Variants in HS3ST3A1 observed in about 807,000 individuals in gnomAD.
HS3ST3A1 encodes the protein heparan sulfate glucosamine 3-O-sulfotransferase 3A1.
In HS3ST3A1, 19 loss-of-function variants were observed where a neutral mutation model predicts 25.7. The observed-to-expected ratio is 0.74, with a 90% CI of 0.52 to 1.08. The LOEUF is 1.08. Ranked by LOEUF, HS3ST3A1 falls within the 50% of genes least tolerant of loss-of-function variation. The pLI is 0.00. For synonymous variants in HS3ST3A1, 226 were observed against 278.6 expected, an observed-to-expected ratio of 0.81 and a Z score of 1.88; for missense variants, 459 against 594.3, an observed-to-expected ratio of 0.77 and a Z score of 2.37.
intron 1 of HS3ST3A1, among the ~76,000 whole-genome samples, chr17:13,585,840 GTTTTTT>G (rs1207776880): frequency 1.6e-5 from 1 of 62,024 alleles, no homozygotes; most frequent in Non-Finnish European, 2.9e-5. Context: ...CTCCTTCTGC[GTTTTTT>G]TTTTTTTTTT....
Position 13,600,277 on chromosome 17 carries a change from G to A in HS3ST3A1, c.599+254C>T, listed in dbSNP as rs187827430. On this transcript the variant is annotated intron_variant, in intron 1 of 1. Coordinates refer to ENST00000284110, the MANE Select transcript of HS3ST3A1 (RefSeq NM_006042.3). ...TTCGCAGAGCAGGAGAAAGAGACCA[G>A]ACTGGCTATTTGCTGGCAAGGGATT... 4.1e-3 allele frequency among the ~76,000 whole-genome samples: 623 copies of A among 152,228 alleles called. 5 individuals are homozygous for A. The highest frequency in any genetic ancestry group is 0.017 in the Middle Eastern group (5 of 294).
chr17:13,532,801 C>A (rs2142333731), intron 1 of HS3ST3A1, among the ~76,000 whole-genome samples: 1 of 151,032 alleles, frequency 6.6e-6, no homozygotes, highest in Non-Finnish European at 1.5e-5. Flanking sequence ...TTTTTATCAT[C>A]TTTGTTGAGT....
At chr17:13,566,595 T>G (rs1907680760) in intron 1 of HS3ST3A1, among the ~76,000 whole-genome samples, 1 of 152,190 alleles carries the variant, frequency 6.6e-6, no homozygotes, top group African/African-American at 2.4e-5. Context: ...TTAGCCAAGT[T>G]GTAAATGCAG....
At chr17:13,499,764 G>A (rs1180637602) in intron 1 of HS3ST3A1, among the ~76,000 whole-genome samples, 2 of 152,116 alleles carry the variant, frequency 1.3e-5, no homozygotes, top group Non-Finnish European at 2.9e-5. Flanking sequence ...TCCAACATAA[G>A]AGGAGTTTGA....
chr17:13,516,985 CA>C (rs144578632), intron 1 of HS3ST3A1, among the ~76,000 whole-genome samples: 2,602 of 152,272 alleles, frequency 0.017, 68 homozygotes, highest in African/African-American at 0.059. Flanking sequence ...TGTGCCCCGC[CA>C]AGGCAGAGGT....
chr17:13,582,753 C>T (rs2142384092), intron 1 of HS3ST3A1, among the ~76,000 whole-genome samples: 1 of 152,244 alleles, frequency 6.6e-6, no homozygotes, highest in South Asian at 2.1e-4. Flanking sequence ...CCTGAGAAAT[C>T]AATCAGTCTA....
intron 1 of HS3ST3A1, among the ~76,000 whole-genome samples, chr17:13,555,189 G>A (rs1011708440): frequency 6.6e-6 from 1 of 152,062 alleles, no homozygotes; most frequent in South Asian, 2.1e-4. Flanking sequence ...CTCCCGCTGG[G>A]TGGGCCTTTT....
intron 1 of HS3ST3A1, among the ~76,000 whole-genome samples, chr17:13,553,724 G>A (rs1035831599): frequency 3.3e-5 from 5 of 152,100 alleles, no homozygotes; most frequent in African/African-American, 1.2e-4. Flanking sequence ...AACTCCTAGA[G>A]TTCTTTCTAG....
chr17:13,497,939 T>G (rs1329670118), intron 1 of HS3ST3A1, among the ~76,000 whole-genome samples: 1 of 152,210 alleles, frequency 6.6e-6, no homozygotes, highest in African/African-American at 2.4e-5. Flanking sequence ...CATGGGAGCT[T>G]GCAGTTATTA....
chr17:13,551,634 G>A (rs3785703), intron 1 of HS3ST3A1, among the ~76,000 whole-genome samples: 65,781 of 144,998 alleles, frequency 0.45, 15,226 homozygotes, highest in Middle Eastern at 0.55. Context: ...AAGGGGGGGG[G>A]GTATTTTTAC....
At chr17:13,584,525 A>C (rs993143826) in intron 1 of HS3ST3A1, among the ~76,000 whole-genome samples, 1 of 148,060 alleles carries the variant, frequency 6.8e-6, no homozygotes, top group African/African-American at 2.6e-5. Context: ...GAAAAAAGGA[A>C]GGAAGGAAAG....
At chr17:13,554,757 G>A (rs570300949) in intron 1 of HS3ST3A1, among the ~76,000 whole-genome samples, 1 of 152,164 alleles carries the variant, frequency 6.6e-6, no homozygotes, top group Non-Finnish European at 1.5e-5. Context: ...TTCAAAACCT[G>A]CAGGGTTGGG....
At chr17:13,517,465 C>T (rs2030364832) in intron 1 of HS3ST3A1, among the ~76,000 whole-genome samples, 2 of 152,096 alleles carry the variant, frequency 1.3e-5, no homozygotes. Flanking sequence ...AGTACTGAAT[C>T]TGCCTGAGGA....
rs751857654 is a variant in HS3ST3A1 at position 13,501,221 on chromosome 17, C to T, written c.600-4403G>A. Among the ~76,000 whole-genome samples the T allele has an allele frequency of 5.9e-5, 9 of 151,996 alleles. No individual in the cohort carries two copies. In the East Asian group the frequency reaches 1.2e-3, roughly 20 times the overall value. On this transcript the variant is annotated intron_variant, in intron 1 of 1. Coordinates refer to ENST00000284110, the MANE Select transcript of HS3ST3A1 (RefSeq NM_006042.3). ...GTGTATGTACTTAACACTACTGAAC[C>T]GAACAACGGTTAAAATGGTAAATTT...
intron 1 of HS3ST3A1, among the ~76,000 whole-genome samples, chr17:13,589,894 A>G (rs1383637859): frequency 1.3e-5 from 2 of 152,212 alleles, no homozygotes. Flanking sequence ...GAACTTAATG[A>G]GAATCCACAG....
chr17:13,504,370 C>T (rs979071482), intron 1 of HS3ST3A1, among the ~76,000 whole-genome samples: 1 of 151,966 alleles, frequency 6.6e-6, no homozygotes, highest in Admixed American at 6.6e-5. Flanking sequence ...ACAAACACAG[C>T]CAGTCACAAA....
chr17:13,585,052 A>T (rs1412499009), intron 1 of HS3ST3A1, among the ~76,000 whole-genome samples: 2 of 152,094 alleles, frequency 1.3e-5, no homozygotes, highest in East Asian at 3.9e-4. Flanking sequence ...GATACCACGG[A>T]CCTTGAAACC....
intron 1 of HS3ST3A1, among the ~76,000 whole-genome samples, chr17:13,535,438 G>T (rs532905847): frequency 6.6e-6 from 1 of 152,190 alleles, no homozygotes; most frequent in Non-Finnish European, 1.5e-5. Context: ...CCAGGTTACA[G>T]TATGAGAGCT....
rs181619779 is a variant in HS3ST3A1 at position 13,496,835 on chromosome 17, G to A, written c.600-17C>T. On this transcript the variant is annotated splice_polypyrimidine_tract_variant and intron_variant, in intron 1 of 1. Transcript: ENST00000284110. ...ATCAGGTCCCTGAGAAACGCAAAAA[G>A]GCATGTCAGAGATGTGCAGAGAGAG... is the stretch of plus-strand genomic sequence containing the variant. The A allele has an allele frequency of 3.1e-6, 5 of 1,606,934 alleles. No homozygotes were observed. Among genetic ancestry groups the A allele is most frequent in the East Asian group, 2.2e-5 (1 of 44,812 alleles).
Sources: allele counts gnomAD v4.1 joint callset (sites outside exome capture counted in the v4.1 genomes callset), GRCh38; gene constraint gnomAD v4.1.1; transcripts MANE v1.5; gene names NCBI Gene and HGNC (gene_info 2026-07-23, HGNC 2026-07-21).